The following COMMD10 variants were observed in gnomAD, a reference collection of about 807,000 sequenced individuals.
The protein encoded by COMMD10 is COMM domain containing 10, also known as COMM domain-containing protein 10.
In COMMD10, 33 loss-of-function variants were observed where a neutral mutation model predicts 28.9. That is an observed-to-expected ratio of 1.14 (90% CI 0.87 to 1.53). The LOEUF is 1.53. Among genes scored for constraint, COMMD10 ranks in the 40% most tolerant of loss-of-function variants. COMMD10 has a pLI of 0.00. For missense variants in COMMD10, 310 were observed against 233.4 expected, an observed-to-expected ratio of 1.33 and a Z score of -2.14; for synonymous variants, 110 against 81.7, an observed-to-expected ratio of 1.35 and a Z score of -1.87.
At chr5:116,253,506 A>ACG in intron 5 of COMMD10, among the ~76,000 whole-genome samples, 4 of 147,704 alleles carry the variant, frequency 2.7e-5, no homozygotes, top group Non-Finnish European at 1.5e-5. Context: ...TTTAGCATGA[A>ACG]GCGTTGTTGA....
chr5:116,272,128 CT>C (rs1277992365), intron 5 of COMMD10, among the ~76,000 whole-genome samples: 1 of 151,826 alleles, frequency 6.6e-6, no homozygotes, highest in Non-Finnish European at 1.5e-5. Context: ...GGTCGAGACA[CT>C]TTTCTAAGCG....
chr5:116,203,726 A>T (rs1748735958), intron 5 of COMMD10, among the ~76,000 whole-genome samples: 1 of 152,168 alleles, frequency 6.6e-6, no homozygotes, highest in Non-Finnish European at 1.5e-5. Flanking sequence ...GCCCTAAAAG[A>T]GCTCCTGAAG....
intron 5 of COMMD10, among the ~76,000 whole-genome samples, chr5:116,215,844 G>A (rs1207409118): frequency 6.7e-6 from 1 of 150,104 alleles, no homozygotes; most frequent in African/African-American, 2.4e-5. Flanking sequence ...TCAATGTGGA[G>A]TCTTCTTTTA....
At chr5:116,253,939 G>C (rs1278740577) in intron 5 of COMMD10, among the ~76,000 whole-genome samples, 2 of 151,804 alleles carry the variant, frequency 1.3e-5, no homozygotes, top group Non-Finnish European at 2.9e-5. Context: ...GACTCTTCTT[G>C]GTTGGTAAGC....
At chr5:116,274,841 G>A (rs537028410) in intron 5 of COMMD10, among the ~76,000 whole-genome samples, 1 of 151,662 alleles carries the variant, frequency 6.6e-6, no homozygotes, top group Non-Finnish European at 1.5e-5. Flanking sequence ...TTTGCCTTAA[G>A]CAGTACTTTG....
intron 5 of COMMD10, among the ~76,000 whole-genome samples, chr5:116,195,870 A>G (rs941115235): frequency 6.6e-6 from 1 of 152,236 alleles, no homozygotes; most frequent in Non-Finnish European, 1.5e-5. Flanking sequence ...AATACAAATC[A>G]AAACCACAAT....
intron 4 of COMMD10, among the ~76,000 whole-genome samples, chr5:116,126,755 A>G (rs868043348): frequency 6.6e-6 from 1 of 152,170 alleles, no homozygotes; most frequent in Non-Finnish European, 1.5e-5. Flanking sequence ...CCTTCCTTAC[A>G]CCTTATACAA....
intron 5 of COMMD10, among the ~76,000 whole-genome samples, chr5:116,231,344 T>G (rs2112654609): frequency 6.6e-6 from 1 of 152,304 alleles, no homozygotes; most frequent in South Asian, 2.1e-4. Context: ...CTGATTCTAT[T>G]TATAAAAGTA....
In COMMD10 at chr5:116,225,353, G is replaced by GTTTTTTTTTTT. The variant is rs143964154; in HGVS notation, c.511-66164_511-66163insTTTTTTTTTTT. 8.6e-5 allele frequency among the ~76,000 whole-genome samples: 10 copies of GTTTTTTTTTTT among 116,496 alleles called. 3 individuals carry two copies. The highest frequency in any genetic ancestry group is 9.2e-5 in the Admixed American group (1 of 10,914). The allele number at this position is 116,496 out of a possible 152,430, so 76.4% of individuals were successfully genotyped here. ...AGACTTTCCTGTTTGTTTTTTTGGG[G>GTTTTTTTTTTT]ATTTTTTTTTTTTTTTTTGCATATG... is the stretch of plus-strand genomic sequence containing the variant. On this transcript the variant is annotated intron_variant, in intron 5 of 6. Transcript: ENST00000274458.
At chr5:116,195,163 C>T (rs887706983) in intron 5 of COMMD10, among the ~76,000 whole-genome samples, 1 of 151,932 alleles carries the variant, frequency 6.6e-6, no homozygotes, top group South Asian at 2.1e-4. Context: ...AGGGACGTAC[C>T]ATAATGTAAT....
At chr5:116,264,559 T>C (rs1207465707) in intron 5 of COMMD10, among the ~76,000 whole-genome samples, 1 of 151,880 alleles carries the variant, frequency 6.6e-6, no homozygotes, top group African/African-American at 2.4e-5. Flanking sequence ...CAAAGTCACG[T>C]AAAGGTCAAG....
intron 4 of COMMD10, among the ~76,000 whole-genome samples, chr5:116,095,916 A>G (rs962012312): frequency 1.3e-5 from 2 of 152,028 alleles, no homozygotes; most frequent in Admixed American, 6.6e-5. Flanking sequence ...GTCTAAAATC[A>G]TTTGATATTT....
intron 5 of COMMD10, among the ~76,000 whole-genome samples, chr5:116,180,208 A>C (rs1747909556): frequency 1.3e-5 from 2 of 152,258 alleles, no homozygotes; most frequent in Admixed American, 6.5e-5. Flanking sequence ...TTTCAGTTAT[A>C]TGTATAAAAC....
At chr5:116,274,614 A>G (rs1056577434) in intron 5 of COMMD10, among the ~76,000 whole-genome samples, 4 of 151,910 alleles carry the variant, frequency 2.6e-5, no homozygotes, top group East Asian at 1.9e-4. Flanking sequence ...ACTTTTGCCA[A>G]TATCAGTAAC....
At chr5:116,120,948 T>A (rs1369597012) in intron 4 of COMMD10, among the ~76,000 whole-genome samples, 2 of 152,106 alleles carry the variant, frequency 1.3e-5, no homozygotes, top group Admixed American at 1.3e-4. Flanking sequence ...ATGTTTTGTA[T>A]GTGTATATGT....
intron 5 of COMMD10, among the ~76,000 whole-genome samples, chr5:116,154,148 G>A (rs985546104): frequency 6.6e-6 from 1 of 151,830 alleles, no homozygotes; most frequent in Non-Finnish European, 1.5e-5. Context: ...TAACTGCTTT[G>A]TAGAGTGTAA....
intron 5 of COMMD10, among the ~76,000 whole-genome samples, chr5:116,243,241 A>G (rs147345003): frequency 6.6e-6 from 1 of 152,272 alleles, no homozygotes; most frequent in African/African-American, 2.4e-5. Context: ...TTTTAAGACC[A>G]CCAGACTACA....
At chr5:116,153,775 C>T (rs868521454) in intron 5 of COMMD10, among the ~76,000 whole-genome samples, 2 of 152,048 alleles carry the variant, frequency 1.3e-5, no homozygotes, top group Non-Finnish European at 2.9e-5. Context: ...TTATCTTGCT[C>T]TTAAACATTT....
At chr5:116,117,470 G>T (rs886781942) in intron 4 of COMMD10, among the ~76,000 whole-genome samples, 1 of 151,956 alleles carries the variant, frequency 6.6e-6, no homozygotes, top group Admixed American at 6.6e-5. Context: ...TTTTTTGTTT[G>T]TTTGTTTTTG....
Sources: gnomAD v4.1 joint callset for allele counts (sites outside exome capture counted in the v4.1 genomes callset) on GRCh38, gnomAD v4.1.1 for gene constraint, MANE v1.5 for transcripts, NCBI Gene and HGNC (gene_info 2026-07-23, HGNC 2026-07-21) for gene names.